NTM: variants seen among roughly 807,000 people sequenced by gnomAD.
NTM encodes the protein IgLON family member 2.
Under a neutral mutation model 42.1 loss-of-function variants are expected in NTM, and 13 were observed. That is an observed-to-expected ratio of 0.31 (90% CI 0.20 to 0.49). The LOEUF (loss-of-function observed/expected upper bound fraction) is 0.49, where lower values mean the gene tolerates loss of function less well. Among genes scored for constraint, NTM ranks in the 20% least tolerant of loss-of-function variants. NTM has a pLI of 0.99. For missense variants in NTM, 373 were observed against 452.8 expected (o/e 0.82, Z 1.60); for synonymous variants, 187 against 179.2 (o/e 1.04, Z -0.35).
intron 1 of NTM, among the ~76,000 whole-genome samples, chr11:131,449,448 G>A (rs1014784174): frequency 2.0e-5 from 3 of 152,224 alleles, no homozygotes; most frequent in Admixed American, 2.0e-4. Flanking sequence ...TTGAGGAAGG[G>A]ACTTGCCCAG....
chr11:131,992,128 T>C (rs1304988007), intron 2 of NTM, among the ~76,000 whole-genome samples: 2 of 152,142 alleles, frequency 1.3e-5, no homozygotes, highest in African/African-American at 4.8e-5. Flanking sequence ...GCAAGACCAG[T>C]TCCTCCTCTT....
rs140049496 is a variant in NTM at position 131,784,059 on chromosome 11, A to G, written c.83-127505A>G. ...AGGCTCAACATCAAGCAAGTCAAAAAGAAAATGCAAACTGAAACCACAATG... is the reference window on the plus strand; with the variant it reads ...AGGCTCAACATCAAGCAAGTCAAAAGGAAAATGCAAACTGAAACCACAATG... On this transcript the variant is annotated intron_variant, in intron 1 of 8. Coordinates refer to ENST00000683400, the MANE Select transcript of NTM (RefSeq NM_001352005.2). 9.3e-4 allele frequency among the ~76,000 whole-genome samples: 142 copies of G among 152,308 alleles called. 1 individual carries two copies. Among genetic ancestry groups the G allele is most frequent in the Admixed American group, 2.6e-3 (40 of 15,304 alleles).
intron 2 of NTM, among the ~76,000 whole-genome samples, chr11:131,926,511 A>G (rs2057976915): frequency 6.6e-6 from 1 of 152,054 alleles, no homozygotes. Context: ...GACCTAGTCA[A>G]AGACGAGCAA....
intron 1 of NTM, among the ~76,000 whole-genome samples, chr11:131,559,352 G>GT (rs1360087227): frequency 6.6e-6 from 1 of 152,238 alleles, no homozygotes; most frequent in African/African-American, 2.4e-5. Context: ...TCAATCGAGT[G>GT]TTTCTTGACA....
intron 1 of NTM, among the ~76,000 whole-genome samples, chr11:131,540,003 C>T (rs1390472934): frequency 6.6e-6 from 1 of 152,130 alleles, no homozygotes; most frequent in East Asian, 1.9e-4. Context: ...ACCTTAGCTC[C>T]CACCTCATCC....
chr11:131,409,742 A>G (rs1219334274), intron 1 of NTM, among the ~76,000 whole-genome samples: 5 of 152,214 alleles, frequency 3.3e-5, no homozygotes, highest in Admixed American at 2.6e-4. Context: ...TTGCATTCAT[A>G]AAGCCTGCCT....
chr11:132,098,643 C>T (rs959226604), intron 2 of NTM, among the ~76,000 whole-genome samples: 12 of 152,244 alleles, frequency 7.9e-5, no homozygotes, highest in Non-Finnish European at 1.6e-4. Flanking sequence ...TGGCTACTAG[C>T]CCATAAAGTG....
chr11:131,576,464 C>T (rs1044399193), intron 1 of NTM, among the ~76,000 whole-genome samples: 9 of 152,234 alleles, frequency 5.9e-5, no homozygotes, highest in South Asian at 2.1e-4. Context: ...TACTTTTGCT[C>T]GATTCTCCAC....
At chr11:132,322,557 T>G (rs2095594266) in intron 7 of NTM, among the ~76,000 whole-genome samples, 1 of 105,178 alleles carries the variant, frequency 9.5e-6, no homozygotes, top group South Asian at 3.7e-4. Flanking sequence ...CAAAGAGACT[T>G]AGACTCCCAC....
At chr11:131,499,225 A>T (rs2046425028) in intron 1 of NTM, among the ~76,000 whole-genome samples, 1 of 152,182 alleles carries the variant, frequency 6.6e-6, no homozygotes, top group Non-Finnish European at 1.5e-5. Context: ...CAAAGAAAGC[A>T]TTCTTGAGAT....
chr11:132,332,715 G>A (rs549212949), intron 8 of NTM: 4 of 152,232 alleles, frequency 2.6e-5, no homozygotes, highest in Non-Finnish European at 5.9e-5. Flanking sequence ...CGTCTCCCGA[G>A]CTGCAGAGTC....
chr11:132,327,224 G>A (rs1016123031), intron 7 of NTM, among the ~76,000 whole-genome samples: 2 of 152,186 alleles, frequency 1.3e-5, no homozygotes, highest in African/African-American at 2.4e-5. Flanking sequence ...CAGCGGCTCC[G>A]TGGCTGTTCA....
chr11:132,210,444 G>A lies in NTM; in HGVS notation c.401-1578G>A, dbSNP rs140205466. ...TGTAAATATTTGTTGAGCTCTTAGC[G>A]TGGATACAGATATAAGTAACACATT... On this transcript the variant is annotated intron_variant, in intron 3 of 8. Transcript: ENST00000683400. Among the ~76,000 whole-genome samples, 847 of 152,244 alleles carry A rather than the reference G, an allele frequency of 5.6e-3. 4 individuals carry two copies. Among genetic ancestry groups the A allele is most frequent in the African/African-American group, 0.017 (702 of 41,532 alleles).
At chr11:131,895,599 T>C (rs1408486569) in intron 1 of NTM, among the ~76,000 whole-genome samples, 2 of 152,068 alleles carry the variant, frequency 1.3e-5, no homozygotes, top group Non-Finnish European at 2.9e-5. Context: ...TCCATTACAA[T>C]GTAGATACAC....
chr11:131,819,676 C>T (rs2093099341), intron 1 of NTM, among the ~76,000 whole-genome samples: 1 of 152,304 alleles, frequency 6.6e-6, no homozygotes, highest in Admixed American at 6.5e-5. Context: ...TGCAGCTTGT[C>T]CCCATTTCCA....
chr11:131,536,457 G>C (rs998562724), intron 1 of NTM: 1 of 152,138 alleles, frequency 6.6e-6, no homozygotes, highest in Admixed American at 6.5e-5. Flanking sequence ...AGTTTGTTAA[G>C]TAAACATGTA....
intron 7 of NTM, among the ~76,000 whole-genome samples, chr11:132,316,804 T>C (rs996958176): frequency 6.6e-6 from 1 of 152,162 alleles, no homozygotes; most frequent in Admixed American, 6.5e-5. Flanking sequence ...GGCTCCTAGG[T>C]TCATTATTGA....
chr11:132,125,571 T>C (rs1160488780), intron 2 of NTM, among the ~76,000 whole-genome samples: 2 of 133,760 alleles, frequency 1.5e-5, no homozygotes, highest in East Asian at 4.8e-4. Flanking sequence ...TGGTGGGGTA[T>C]GAATGTGTAT....
chr11:132,143,008 C>T (rs912978801), intron 2 of NTM, among the ~76,000 whole-genome samples: 4 of 152,172 alleles, frequency 2.6e-5, no homozygotes, highest in Non-Finnish European at 4.4e-5. Context: ...TGTCAGTCAG[C>T]GTTTCCTGCA....
Sources: gnomAD v4.1 joint callset for allele counts (sites outside exome capture counted in the v4.1 genomes callset) on GRCh38, gnomAD v4.1.1 for gene constraint, MANE v1.5 for transcripts, NCBI Gene and HGNC (gene_info 2026-07-23, HGNC 2026-07-21) for gene names.